Variants in HS2ST1 observed in about 807,000 individuals in gnomAD.
HS2ST1 encodes 2-O-sulfotransferase.
In HS2ST1, 18 loss-of-function variants were observed where a neutral mutation model predicts 42.9. The ratio of observed to expected loss-of-function variants is 0.42; its 90% CI spans 0.29 to 0.62. The LOEUF is 0.62. HS2ST1 is among the 20% of genes least tolerant of loss of function. The pLI, the probability that HS2ST1 is intolerant of heterozygous loss-of-function variation, is 0.21. For missense variants in HS2ST1, 334 were observed against 433.8 expected (o/e 0.77, Z 2.04); for synonymous variants, 146 against 152.9 (o/e 0.95, Z 0.33).
At chr1:87,103,038 A>G (rs901235796) in intron 5 of HS2ST1, among the ~76,000 whole-genome samples, 4 of 152,238 alleles carry the variant, frequency 2.6e-5, no homozygotes, top group Non-Finnish European at 4.4e-5. Context: ...AACTCACACA[A>G]TAAGCAGTAA....
rs367719631 is a variant in HS2ST1, at chr1:86,957,137, T to C, written c.124+41977T>C. On this transcript the variant is annotated intron_variant, in intron 1 of 6. Transcript: ENST00000370550. Reference sequence around the variant, plus strand: ...TAATGAACAAGTTTCTAGACATTTATAGTCTAAGTTTCAGGACATTTATAG... The same window carrying C: ...TAATGAACAAGTTTCTAGACATTTACAGTCTAAGTTTCAGGACATTTATAG... Among the ~76,000 whole-genome samples the C allele has an allele frequency of 1.5e-3, 227 of 152,336 alleles. 2 individuals are homozygous for C. The Middle Eastern group carries it at 0.027, about 18-fold the overall frequency.
At chr1:87,061,264 C>G (rs1203710889) in intron 1 of HS2ST1, among the ~76,000 whole-genome samples, 1 of 151,914 alleles carries the variant, frequency 6.6e-6, no homozygotes. Flanking sequence ...GTGAAACAAA[C>G]ATAAGTTAGC....
chr1:86,987,335 A>G (rs1018403077), intron 1 of HS2ST1, among the ~76,000 whole-genome samples: 6 of 151,832 alleles, frequency 4.0e-5, no homozygotes, highest in African/African-American at 9.7e-5. Flanking sequence ...CGGCCCCCCA[A>G]AGTGCTGGGA....
intron 2 of HS2ST1, among the ~76,000 whole-genome samples, chr1:87,080,966 G>A (rs1223540327): frequency 2.0e-5 from 3 of 152,092 alleles, no homozygotes; most frequent in South Asian, 4.2e-4. Flanking sequence ...AAGTGCTTGG[G>A]GGTCCTAAAT....
intron 5 of HS2ST1, among the ~76,000 whole-genome samples, chr1:87,102,339 T>G (rs1652233472): frequency 6.6e-6 from 1 of 152,178 alleles, no homozygotes; most frequent in Non-Finnish European, 1.5e-5. Flanking sequence ...ATTACAGGTG[T>G]GAGCCACCGC....
intron 1 of HS2ST1, among the ~76,000 whole-genome samples, chr1:87,033,254 A>C (rs1650285709): frequency 6.6e-6 from 1 of 152,216 alleles, no homozygotes; most frequent in South Asian, 2.1e-4. Context: ...TATTTTAGAC[A>C]TGATTCCATT....
At position 87,023,497 on chromosome 1, in the gene HS2ST1, T is replaced by A. The variant is rs1175397221; in HGVS notation, c.125-49437T>A. Among the ~76,000 whole-genome samples the A allele has an allele frequency of 2.6e-5, 4 of 151,840 alleles. No individual in the cohort carries two copies. In the East Asian group the frequency reaches 7.7e-4, roughly 29 times the overall value. ...AAAAAAAGTAGGGTTTAGAATAGTA[T>A]GTATAACATGCTATCACTGGCACAA... On this transcript the variant is annotated intron_variant, in intron 1 of 6. Transcript: ENST00000370550.
chr1:86,918,342 A>G (rs1660212801), intron 1 of HS2ST1, among the ~76,000 whole-genome samples: 2 of 152,142 alleles, frequency 1.3e-5, no homozygotes, highest in African/African-American at 2.4e-5. Flanking sequence ...TTTCCAGGTC[A>G]GTACATATAG....
intron 1 of HS2ST1, among the ~76,000 whole-genome samples, chr1:87,030,647 CAAAG>C (rs527570133): frequency 9.2e-5 from 14 of 152,206 alleles, no homozygotes; most frequent in Admixed American, 8.5e-4. Context: ...TTCTAAGTAA[CAAAG>C]AAATTTATTT....
intron 1 of HS2ST1, among the ~76,000 whole-genome samples, chr1:86,917,345 C>T (rs1399465937): frequency 6.6e-6 from 1 of 152,058 alleles, no homozygotes; most frequent in African/African-American, 2.4e-5. Context: ...ATGGTGAAAC[C>T]CTATCTCTAC....
intron 5 of HS2ST1, 93 bp downstream of exon 5, chr1:87,098,028 G>T (rs981454807): frequency 6.4e-7 from 1 of 1,555,342 alleles, no homozygotes; most frequent in African/African-American, 1.4e-5. Flanking sequence ...TAGGGAAATC[G>T]GTGAAAGACT....
chr1:87,099,480 G>A (rs1652149850), intron 5 of HS2ST1, among the ~76,000 whole-genome samples: 1 of 152,152 alleles, frequency 6.6e-6, no homozygotes, highest in African/African-American at 2.4e-5. Flanking sequence ...CAAGGGGATG[G>A]CACTAAACCA....
At chr1:87,067,534 T>C (rs1213752107) in intron 1 of HS2ST1, among the ~76,000 whole-genome samples, 2 of 152,228 alleles carry the variant, frequency 1.3e-5, no homozygotes, top group African/African-American at 4.8e-5. Flanking sequence ...TTCACTCTGA[T>C]GATAGTTTCT....
chr1:87,096,766 G>A (rs182193523), intron 4 of HS2ST1, among the ~76,000 whole-genome samples: 14 of 152,276 alleles, frequency 9.2e-5, no homozygotes, highest in East Asian at 3.9e-4. Flanking sequence ...CTGAGAACCC[G>A]TGGGATATCA....
At chr1:86,980,542 A>G (rs1208367614) in intron 1 of HS2ST1, among the ~76,000 whole-genome samples, 5 of 152,146 alleles carry the variant, frequency 3.3e-5, no homozygotes, top group African/African-American at 1.2e-4. Context: ...AAATAATTAC[A>G]TAAACAATAA....
chr1:87,045,987 G>T (rs1650649407), intron 1 of HS2ST1: 30 of 710,036 alleles, frequency 4.2e-5, no homozygotes. Flanking sequence ...AAAGAAACAT[G>T]TTGGAAGATC....
intron 1 of HS2ST1, among the ~76,000 whole-genome samples, chr1:87,044,444 A>G (rs1650595949): frequency 6.6e-6 from 1 of 152,198 alleles, no homozygotes; most frequent in Admixed American, 6.5e-5. Context: ...GTTTTACATT[A>G]ATATACATAG....
intron 5 of HS2ST1, 44 bp downstream of exon 5, chr1:87,097,979 A>G: frequency 6.2e-7 from 1 of 1,611,936 alleles, no homozygotes; most frequent in Non-Finnish European, 8.5e-7. Context: ...CATCCTTATT[A>G]TCTCTGTAAT....
intron 1 of HS2ST1, among the ~76,000 whole-genome samples, chr1:86,953,794 C>T (rs191501957): frequency 6.1e-4 from 92 of 151,834 alleles, no homozygotes; most frequent in Non-Finnish European, 1.1e-3. Flanking sequence ...AAGTGAATGA[C>T]ATGGGACTCT....
Sources: gnomAD v4.1 joint callset for allele counts (sites outside exome capture counted in the v4.1 genomes callset) on GRCh38, gnomAD v4.1.1 for gene constraint, MANE v1.5 for transcripts, NCBI Gene and HGNC (gene_info 2026-07-23, HGNC 2026-07-21) for gene names.